The following ATP13A4 variants were observed in gnomAD, a reference collection of about 807,000 sequenced individuals.
ATP13A4 encodes probable cation-transporting ATPase 13A4.
A neutral mutation model predicts 142.5 loss-of-function variants in ATP13A4; 114 were observed. The ratio of observed to expected loss-of-function variants is 0.80; its 90% CI spans 0.69 to 0.93. The LOEUF (loss-of-function observed/expected upper bound fraction) is 0.93, where lower values mean the gene tolerates loss of function less well. Ranked by LOEUF, ATP13A4 falls within the 40% of genes least tolerant of loss-of-function variation. ATP13A4 has a pLI of 0.00. For missense variants in ATP13A4, 1,392 were observed against 1,454.0 expected, an observed-to-expected ratio of 0.96 and a Z score of 0.69; for synonymous variants, 488 against 514.8, an observed-to-expected ratio of 0.95 and a Z score of 0.70.
intron 1 of ATP13A4, among the ~76,000 whole-genome samples, chr3:193,516,022 T>C (rs1234163435): frequency 6.6e-6 from 1 of 152,216 alleles, no homozygotes; most frequent in Non-Finnish European, 1.5e-5. Context: ...TGTAAGCATT[T>C]ACTACGGCTG....
intron 8 of ATP13A4, among the ~76,000 whole-genome samples, chr3:193,481,952 G>A (rs1342916619): frequency 6.6e-6 from 1 of 152,134 alleles, no homozygotes; most frequent in African/African-American, 2.4e-5. Flanking sequence ...TTGACAGGTT[G>A]TGTTCAAAAG....
chr3:193,467,098 T>C (rs1009000520), intron 10 of ATP13A4, among the ~76,000 whole-genome samples: 10 of 152,082 alleles, frequency 6.6e-5, no homozygotes, highest in African/African-American at 2.2e-4. Flanking sequence ...GATACCCCCT[T>C]CTCCATGATG....
chr3:193,467,386 G>A lies in ATP13A4; in HGVS notation c.1044C>T (p.Phe348=). The A allele has an allele frequency of 6.2e-7, 1 of 1,614,146 alleles. No individual in the cohort carries two copies. Among genetic ancestry groups the A allele is most frequent in the South Asian group, 1.1e-5 (1 of 91,086 alleles). Residue 348 remains phenylalanine (F), a synonymous_variant, in exon 10 of 30, where the codon TTC becomes TTT. Transcript: ENST00000342695. The part of the protein sequence containing the change: ...SEADYKRHVL[F]CGTEVIQAKA... ...TGGCCTGGATAACCTCTGTTCCACA[G>A]AAGAGGACATGCCGCTTGTAATCCG...
chr3:193,467,191 A>G, intron 10 of ATP13A4, 125 bp downstream of exon 10: 1 of 1,019,620 alleles, frequency 9.8e-7, no homozygotes, highest in East Asian at 2.6e-5. Flanking sequence ...ACCCACAAAA[A>G]TTAAAAATTA....
chr3:193,456,738 C>T (rs1717634971), intron 16 of ATP13A4, among the ~76,000 whole-genome samples: 1 of 151,932 alleles, frequency 6.6e-6, no homozygotes, highest in South Asian at 2.1e-4. Flanking sequence ...GAGACAGAGG[C>T]ACTAAGGGGG....
At chr3:193,428,540 A>C (rs112943841) in intron 25 of ATP13A4, among the ~76,000 whole-genome samples, 1 of 152,102 alleles carries the variant, frequency 6.6e-6, no homozygotes, top group Non-Finnish European at 1.5e-5. Flanking sequence ...TGGAACCAAC[A>C]CAAATGTCCA....
rs60074904 is a variant in ATP13A4 at position 193,586,090 on chromosome 3, TACAC to T, written n.92-4188_92-4185del. Among the ~76,000 whole-genome samples the T allele has an allele frequency of 8.1e-3, 1,215 of 150,898 alleles. 9 individuals carry two copies. Among genetic ancestry groups the T allele is most frequent in the East Asian group, 0.021 (109 of 5,116 alleles). On this transcript the variant is annotated intron_variant and non_coding_transcript_variant, in intron 1 of 3. Transcript: ENST00000489140. ...ATATATCTGTATATGTATACACACA[TACAC>T]ACACACACACACACACACACACATA...
chr3:193,473,961 T>C (rs894232283), intron 8 of ATP13A4, among the ~76,000 whole-genome samples: 4 of 152,064 alleles, frequency 2.6e-5, no homozygotes, highest in African/African-American at 9.7e-5. Context: ...TTGGGAGAAA[T>C]GCATCAATAT....
In ATP13A4 at chr3:193,582,717, TA is replaced by T. The variant is rs1724586518; in HGVS notation, n.92-812del. Reference sequence around the variant, plus strand: ...GTATAACATATATAATATATATGTATATTACATATATAAAATATATATGTAT... The same window carrying T: ...GTATAACATATATAATATATATGTATTTACATATATAAAATATATATGTAT... On this transcript the variant is annotated intron_variant and non_coding_transcript_variant, in intron 1 of 3. Transcript: ENST00000489140. Among the ~76,000 whole-genome samples, 2 of 46,978 alleles carry T rather than the reference TA, an allele frequency of 4.3e-5. 1 individual carries two copies. Among genetic ancestry groups the T allele is most frequent in the Non-Finnish European group, 7.5e-5 (2 of 26,666 alleles). The allele number at this position is 46,978 out of a possible 152,430, so 30.8% of individuals were successfully genotyped here. A position where few individuals can be genotyped will look rare whatever the true frequency, so the allele number is the denominator to read the frequency against.
rs1714200658 is a variant in ATP13A4 at position 193,399,660 on chromosome 3, A to T, written c.*2992T>A. The stretch of plus-strand genomic sequence containing the variant: ...TCAGGAGATTGAAACCACCCTGGCT[A>T]ACATGATGAAACCCCATCTCTACTA... On this transcript the variant is annotated 3_prime_UTR_variant, in exon 30 of 30. Coordinates refer to ENST00000342695, the MANE Select transcript of ATP13A4 (RefSeq NM_032279.4). Among the ~76,000 whole-genome samples the T allele has an allele frequency of 6.6e-6, 1 of 152,028 alleles. No individual in the cohort carries two copies. Among genetic ancestry groups the T allele is most frequent in the Non-Finnish European group, 1.5e-5 (1 of 67,994 alleles).
In ATP13A4 at chr3:193,401,482, A is replaced by G. The variant is rs1315213181; in HGVS notation, c.*1170T>C. Among the ~76,000 whole-genome samples, 1 of 152,232 alleles carries G rather than the reference A, an allele frequency of 6.6e-6. No individual in the cohort carries two copies. Among genetic ancestry groups the G allele is most frequent in the Admixed American group, 6.5e-5 (1 of 15,284 alleles). ...GAGACTAATGTTTCTCAAAAATAATAAAGCAGAGGAGTGAAAATTTCTGGA... is the reference window on the plus strand; with the variant it reads ...GAGACTAATGTTTCTCAAAAATAATGAAGCAGAGGAGTGAAAATTTCTGGA... On this transcript the variant is annotated 3_prime_UTR_variant, in exon 30 of 30. Coordinates refer to ENST00000342695, the MANE Select transcript of ATP13A4 (RefSeq NM_032279.4).
Position 193,514,822 on chromosome 3 carries a change from G to T in ATP13A4, c.110C>A (p.Ala37Asp). The T allele has an allele frequency of 1.2e-6, 2 of 1,614,214 alleles. No individual in the cohort carries two copies. The highest frequency in any genetic ancestry group is 1.7e-6 in the Non-Finnish European group (2 of 1,180,034). Residue 37 changes from alanine (A) to aspartate (D), a missense_variant, in exon 2 of 30, where the codon GCC becomes GAC. Transcript: ENST00000342695. ...TQGCRKSLCL[A>D]GSIFSFGILP... ...GATTCCAAATGAGAAGATGGATCCG[G>T]CAAGGCAGAGACTTTTCCGGCAGCC...
chr3:193,424,248 C>G (rs1715542188), intron 25 of ATP13A4, among the ~76,000 whole-genome samples: 1 of 148,840 alleles, frequency 6.7e-6, no homozygotes, highest in South Asian at 2.1e-4. Flanking sequence ...TTGAAATATC[C>G]CTGCTACCTA....
intron 20 of ATP13A4, 90 bp downstream of exon 20, chr3:193,441,376 G>A: frequency 6.6e-7 from 1 of 1,512,938 alleles, no homozygotes; most frequent in Non-Finnish European, 9.2e-7. Flanking sequence ...TATTTTACCT[G>A]TCTCAAGATT....
chr3:193,509,258 T>C (rs1203791028), intron 2 of ATP13A4, among the ~76,000 whole-genome samples: 2 of 152,240 alleles, frequency 1.3e-5, no homozygotes, highest in South Asian at 2.1e-4. Flanking sequence ...ATCTCTATTA[T>C]GTAATCCTAC....
intron 25 of ATP13A4, among the ~76,000 whole-genome samples, chr3:193,417,872 C>T (rs1009151065): frequency 6.7e-5 from 10 of 148,372 alleles, no homozygotes; most frequent in South Asian, 2.1e-4. Context: ...CCTGTAATCC[C>T]AGCACTTTGG....
intron 2 of ATP13A4, among the ~76,000 whole-genome samples, chr3:193,511,057 T>C (rs1721115458): frequency 6.6e-6 from 1 of 152,268 alleles, no homozygotes; most frequent in Non-Finnish European, 1.5e-5. Flanking sequence ...TGAGTTCTTG[T>C]CTAATTACCT....
intron 27 of ATP13A4, among the ~76,000 whole-genome samples, chr3:193,411,718 C>G (rs747499055): frequency 6.6e-6 from 1 of 152,140 alleles, no homozygotes; most frequent in South Asian, 2.1e-4. Context: ...TGGCCGAGAG[C>G]CTCCATAACC....
intron 25 of ATP13A4, among the ~76,000 whole-genome samples, chr3:193,418,449 G>C (rs1191275212): frequency 6.7e-6 from 1 of 149,834 alleles, no homozygotes. Flanking sequence ...AAACGAGAGT[G>C]TCAGAATACA....
Sources: allele counts gnomAD v4.1 joint callset (sites outside exome capture counted in the v4.1 genomes callset), GRCh38; gene constraint gnomAD v4.1.1; transcripts MANE v1.5; gene names NCBI Gene and HGNC (gene_info 2026-07-23, HGNC 2026-07-21).